Variants in LDB2 observed in about 807,000 individuals in gnomAD.
LDB2 encodes LIM domain-binding protein 2.
In LDB2, 12 loss-of-function variants were observed where a neutral mutation model predicts 44.3. The observed-to-expected ratio is 0.27, with a 90% CI of 0.17 to 0.44. LDB2 has a LOEUF of 0.44. LDB2 is among the 20% of genes least tolerant of loss of function. LDB2 has a pLI of 1.00. For synonymous variants in LDB2, 164 were observed against 174.8 expected, an observed-to-expected ratio of 0.94 and a Z score of 0.49; for missense variants, 344 against 473.5, an observed-to-expected ratio of 0.73 and a Z score of 2.54.
intron 2 of LDB2, chr4:16,741,555 C>T (rs556609529): frequency 6.6e-6 from 1 of 152,346 alleles, no homozygotes; most frequent in East Asian, 1.9e-4. Context: ...CAGGAAAACA[C>T]AAGACAGGAG....
At chr4:16,655,477 C>T (rs144576125) in intron 2 of LDB2, among the ~76,000 whole-genome samples, 4 of 152,216 alleles carry the variant, frequency 2.6e-5, no homozygotes, top group East Asian at 1.9e-4. Context: ...CAGCCAGGGA[C>T]GACCCCACCC....
chr4:16,777,274 G>C (rs1469822270), intron 1 of LDB2, among the ~76,000 whole-genome samples: 2 of 152,150 alleles, frequency 1.3e-5, no homozygotes, highest in Admixed American at 1.3e-4. Context: ...TAGGGGAGAG[G>C]ATGGGCACCC....
At chr4:16,562,760 T>A (rs1443823344) in intron 5 of LDB2, among the ~76,000 whole-genome samples, 2 of 152,206 alleles carry the variant, frequency 1.3e-5, no homozygotes, top group African/African-American at 4.8e-5. Context: ...TAAAGACACA[T>A]GCACACGTAT....
intron 5 of LDB2, among the ~76,000 whole-genome samples, chr4:16,555,018 A>C (rs569518690): frequency 1.6e-4 from 25 of 152,234 alleles, no homozygotes; most frequent in African/African-American, 5.5e-4. Flanking sequence ...CATGTGATGC[A>C]GCCAGTGCTA....
intron 1 of LDB2, among the ~76,000 whole-genome samples, chr4:16,760,540 A>G (rs1767667547): frequency 1.3e-5 from 2 of 152,200 alleles, no homozygotes; most frequent in South Asian, 4.1e-4. Flanking sequence ...ACCGAAGAGC[A>G]ATGCATGGAT....
chr4:16,573,082 C>T (rs907941208), intron 5 of LDB2, among the ~76,000 whole-genome samples: 33 of 152,214 alleles, frequency 2.2e-4, no homozygotes, highest in Non-Finnish European at 8.8e-5. Flanking sequence ...TAAGAACAAG[C>T]CAGGCCTGAG....
chr4:16,621,684 C>T (rs1273525917), intron 2 of LDB2, among the ~76,000 whole-genome samples: 1 of 152,096 alleles, frequency 6.6e-6, no homozygotes, highest in East Asian at 1.9e-4. Flanking sequence ...TCCCAAGTAG[C>T]TAGGACAACA....
chr4:16,621,646 G>T (rs1480032835), intron 2 of LDB2, among the ~76,000 whole-genome samples: 1 of 152,028 alleles, frequency 6.6e-6, no homozygotes, highest in Non-Finnish European at 1.5e-5. Context: ...CTGAACTCCT[G>T]GGCTCAAACA....
chr4:16,673,476 T>G (rs1560835511), intron 2 of LDB2, among the ~76,000 whole-genome samples: 1 of 152,198 alleles, frequency 6.6e-6, no homozygotes, highest in Admixed American at 6.5e-5. Context: ...GGAAAAGGCT[T>G]AGGTCTTCTC....
chr4:16,529,540 T>C (rs983729581), intron 5 of LDB2, among the ~76,000 whole-genome samples: 2 of 152,188 alleles, frequency 1.3e-5, no homozygotes, highest in Non-Finnish European at 2.9e-5. Flanking sequence ...TCATTGTGTG[T>C]TTTCCCACAG....
Position 16,598,937 on chromosome 4 carries a change from A to G in LDB2, c.236-3062T>C, listed in dbSNP as rs113310846. On this transcript the variant is annotated intron_variant, in intron 2 of 7. Coordinates refer to ENST00000304523, the MANE Select transcript of LDB2 (RefSeq NM_001290.5). ...TCGTGTTAGATTTCTGTCATTTGCA[A>G]ATAGAGAAATCCTGACCACTGCAGT... is the stretch of plus-strand genomic sequence containing the variant. 2.6e-3 allele frequency among the ~76,000 whole-genome samples: 393 copies of G among 151,622 alleles called. 1 individual carries two copies. The highest frequency in any genetic ancestry group is 6.9e-3 in the Middle Eastern group (2 of 290).
chr4:16,657,992 A>G (rs2152535696), intron 2 of LDB2, among the ~76,000 whole-genome samples: 1 of 152,332 alleles, frequency 6.6e-6, no homozygotes, highest in African/African-American at 2.4e-5. Flanking sequence ...TTTATCTACA[A>G]ATAAGTCACT....
At chr4:16,598,098 C>G (rs772624802) in intron 2 of LDB2, among the ~76,000 whole-genome samples, 1 of 152,068 alleles carries the variant, frequency 6.6e-6, no homozygotes, top group Non-Finnish European at 1.5e-5. Flanking sequence ...AGTTCGGTGC[C>G]CCAAGTAAAC....
intron 5 of LDB2, among the ~76,000 whole-genome samples, chr4:16,522,910 T>C (rs2152279686): frequency 6.6e-6 from 1 of 152,340 alleles, no homozygotes; most frequent in South Asian, 2.1e-4. Flanking sequence ...CGGAGTGCTG[T>C]GTGTCACCTA....
chr4:16,781,910 G>C (rs554927349), intron 1 of LDB2, among the ~76,000 whole-genome samples: 2 of 152,264 alleles, frequency 1.3e-5, no homozygotes, highest in Admixed American at 1.3e-4. Context: ...ACAAGCCAAG[G>C]GGTGCCACCA....
chr4:16,865,786 A>T (rs1714512527), intron 1 of LDB2, among the ~76,000 whole-genome samples: 2 of 152,316 alleles, frequency 1.3e-5, no homozygotes, highest in Admixed American at 1.3e-4. Context: ...GAGCTCAGGA[A>T]TAGAATCTCT....
At chr4:16,764,857 C>G (rs748592853) in intron 1 of LDB2, among the ~76,000 whole-genome samples, 2 of 152,122 alleles carry the variant, frequency 1.3e-5, no homozygotes, top group African/African-American at 2.4e-5. Flanking sequence ...AGCTATAAGC[C>G]GTTTTGATGA....
rs193071956 is a variant in LDB2, at chr4:16,843,587, A to T, written c.132+54767T>A. Among the ~76,000 whole-genome samples the T allele has an allele frequency of 9.2e-4, 138 of 150,706 alleles. 1 individual carries two copies. The highest frequency in any genetic ancestry group is 3.4e-3 in the Middle Eastern group (1 of 294). On this transcript the variant is annotated intron_variant, in intron 1 of 7. Transcript: ENST00000304523. ...CAGCATAAAAACAGGGTGCCATTTT[A>T]AAAAAAATGCTATTTTATAAATTTG...
intron 1 of LDB2, among the ~76,000 whole-genome samples, chr4:16,869,591 C>T (rs1267343776): frequency 2.0e-5 from 3 of 152,168 alleles, no homozygotes; most frequent in Non-Finnish European, 4.4e-5. Flanking sequence ...AGTTAGATGA[C>T]TTGGCTGAGG....
Sources: allele counts gnomAD v4.1 joint callset (sites outside exome capture counted in the v4.1 genomes callset), GRCh38; gene constraint gnomAD v4.1.1; transcripts MANE v1.5; gene names NCBI Gene and HGNC (gene_info 2026-07-23, HGNC 2026-07-21).